Variants in FAM149B1 observed in about 807,000 individuals in gnomAD.
FAM149B1 encodes primary cilium assembly protein FAM149B1.
Under a neutral mutation model 75.3 loss-of-function variants are expected in FAM149B1, and 56 were observed. That is an observed-to-expected ratio of 0.74 (90% CI 0.60 to 0.93). The LOEUF is 0.93. Ranked by LOEUF, FAM149B1 falls within the 40% of genes least tolerant of loss-of-function variation. FAM149B1 has a pLI of 0.00. For missense variants in FAM149B1, 639 were observed against 708.4 expected, an observed-to-expected ratio of 0.90 and a Z score of 1.11; for synonymous variants, 259 against 256.1, an observed-to-expected ratio of 1.01 and a Z score of -0.11.
chr10:73,206,508 A>G lies in FAM149B1; in HGVS notation c.543-2111A>G, dbSNP rs2133361747. 1.3e-5 allele frequency among the ~76,000 whole-genome samples: 2 copies of G among 152,354 alleles called. 1 individual carries two copies. The highest frequency in any genetic ancestry group is 4.1e-4 in the South Asian group (2 of 4,830). On this transcript the variant is annotated intron_variant, in intron 5 of 13. Transcript: ENST00000242505. ...AACTAAAAAGCAGCCAAGTGCTAAT[A>G]GCCAAGACAATGGGAAAAAGGCATT...
At chr10:73,220,236 T>A (rs2090766876) in intron 7 of FAM149B1, among the ~76,000 whole-genome samples, 1 of 152,058 alleles carries the variant, frequency 6.6e-6, no homozygotes, top group African/African-American at 2.4e-5. Context: ...GTATATATAT[T>A]TTTAATTACA....
intron 3 of FAM149B1, chr10:73,192,352 T>A: frequency 1.9e-6 from 1 of 536,936 alleles, no homozygotes; most frequent in South Asian, 2.4e-5. Flanking sequence ...ATCTAAATTT[T>A]CTTTAAATAT....
At chr10:73,180,479 C>G (rs1327279171) in intron 3 of FAM149B1, among the ~76,000 whole-genome samples, 2 of 152,150 alleles carry the variant, frequency 1.3e-5, no homozygotes, top group Non-Finnish European at 2.9e-5. Context: ...ATTTAGTATA[C>G]TGACTAAATA....
chr10:73,199,282 A>G (rs1452170676), intron 5 of FAM149B1, among the ~76,000 whole-genome samples: 1 of 151,948 alleles, frequency 6.6e-6, no homozygotes, highest in Non-Finnish European at 1.5e-5. Flanking sequence ...CAGTGGCACA[A>G]TCTCCGCTCA....
chr10:73,228,197 G>GATCC lies in FAM149B1; in HGVS notation c.1023+13_1023+14insATCC. The GATCC allele has an allele frequency of 6.4e-7, 1 of 1,551,520 alleles. No individual in the cohort carries two copies. Among genetic ancestry groups the GATCC allele is most frequent in the Non-Finnish European group, 8.7e-7 (1 of 1,146,844 alleles). ...TACCTCAAATCCGGTAAGCCCCAGA[G>GATCC]GGATCAGTTGGAGACCCCAGGGCTA... On this transcript the variant is annotated intron_variant, in intron 8 of 13. Coordinates refer to ENST00000242505, the MANE Select transcript of FAM149B1 (RefSeq NM_173348.2).
chr10:73,240,127 C>G (rs1473519609), intron 13 of FAM149B1, among the ~76,000 whole-genome samples: 1 of 152,116 alleles, frequency 6.6e-6, no homozygotes, highest in Admixed American at 6.5e-5. Flanking sequence ...GCTATGTTGC[C>G]CAGGCTGCAG....
chr10:73,226,456 G>C (rs1377579600), intron 7 of FAM149B1, among the ~76,000 whole-genome samples: 1 of 152,144 alleles, frequency 6.6e-6, no homozygotes, highest in Non-Finnish European at 1.5e-5. Flanking sequence ...AGTGAGCGGA[G>C]CTTGCACCAC....
chr10:73,178,020 T>C (rs573038876), intron 3 of FAM149B1, 45 bp downstream of exon 3: 3 of 1,501,608 alleles, frequency 2.0e-6, no homozygotes, highest in Non-Finnish European at 2.7e-6. Flanking sequence ...GGGAGATGAT[T>C]CTGGGAATTA....
intron 7 of FAM149B1, 52 bp from the exon 8 acceptor site, chr10:73,228,008 G>T: frequency 6.6e-7 from 1 of 1,522,328 alleles, no homozygotes; most frequent in Non-Finnish European, 8.9e-7. Context: ...CAATACTGTT[G>T]CTGTGGGCCA....
chr10:73,235,078 G>T, intron 11 of FAM149B1, 115 bp from the exon 12 acceptor site: 1 of 1,446,970 alleles, frequency 6.9e-7, no homozygotes, highest in Non-Finnish European at 9.4e-7. Context: ...TTATGACGTG[G>T]AATTGGAGCT....
chr10:73,192,203 T>G, intron 3 of FAM149B1: 1 of 140,700 alleles, frequency 7.1e-6, no homozygotes, highest in East Asian at 2.0e-4. Flanking sequence ...CCTGGCCTTT[T>G]TTTTTTTTTT....
intron 1 of FAM149B1, among the ~76,000 whole-genome samples, chr10:73,173,603 A>AC (rs1843810142): frequency 6.6e-6 from 1 of 152,054 alleles, no homozygotes; most frequent in Admixed American, 6.6e-5. Context: ...AGGGGTATTG[A>AC]CCCCCTGTAC....
chr10:73,198,945 A>G (rs1395886184), intron 5 of FAM149B1, among the ~76,000 whole-genome samples: 3 of 152,194 alleles, frequency 2.0e-5, no homozygotes, highest in South Asian at 4.1e-4. Context: ...GTTCCTTCCA[A>G]TCATCCTGGA....
chr10:73,186,623 A>T (rs1477953343), intron 3 of FAM149B1, among the ~76,000 whole-genome samples: 1 of 152,256 alleles, frequency 6.6e-6, no homozygotes, highest in African/African-American at 2.4e-5. Flanking sequence ...GGACTAATAA[A>T]TTAGTTCAGT....
At chr10:73,193,405 CA>C (rs1292952456) in intron 4 of FAM149B1, 71 bp from the exon 5 acceptor site, 16 of 1,470,380 alleles carry the variant, frequency 1.1e-5, no homozygotes, top group South Asian at 2.6e-5. Context: ...CAAATGTGTC[CA>C]AAATATATCT....
At chr10:73,187,908 C>T (rs994784533) in intron 3 of FAM149B1, among the ~76,000 whole-genome samples, 6 of 152,012 alleles carry the variant, frequency 3.9e-5, no homozygotes, top group Non-Finnish European at 8.8e-5. Context: ...CATGGTGAAA[C>T]CCTGTCTCTA....
Position 73,210,322 on chromosome 10 carries a change from C to T in FAM149B1, c.782C>T (p.Ala261Val). 6.4e-7 allele frequency: 1 copy of T among 1,550,516 alleles called. No homozygotes were observed. The highest frequency in any genetic ancestry group is 8.7e-7 in the Non-Finnish European group (1 of 1,145,788). ...CAGAAATTAGGGTATCCTCCCATTG[C>T]TCCATTTTACTGCATGAAAGAAGAT... The part of the protein sequence containing the change: ...EKQKLGYPPI[A>V]PFYCMKEDVL... The change falls in exon 7 of 14, where the codon GCT becomes GTT. Residue 261 changes from alanine to valine, a missense_variant. Ala to Val is a moderately conservative substitution (Grantham distance 64). Transcript: ENST00000242505.
intron 5 of FAM149B1, among the ~76,000 whole-genome samples, chr10:73,204,732 C>T (rs946417810): frequency 6.1e-5 from 9 of 148,460 alleles, no homozygotes; most frequent in East Asian, 2.0e-4. Flanking sequence ...GATATAACCT[C>T]GTGAGATATC....
rs78454839 is a variant in FAM149B1 at position 73,195,346 on chromosome 10, C to T, written c.542+1753C>T. ...TTTGCTATTCCTGAAGTGATTTAAA[C>T]TCAAGCTGCTGGTCATTAGGCATTC... is the stretch of plus-strand genomic sequence containing the variant. On this transcript the variant is annotated intron_variant, in intron 5 of 13. Coordinates refer to ENST00000242505, the MANE Select transcript of FAM149B1 (RefSeq NM_173348.2). Among the ~76,000 whole-genome samples, 336 of 152,288 alleles carry T rather than the reference C, an allele frequency of 2.2e-3. 7 individuals carry two copies. The highest frequency in any genetic ancestry group is 7.3e-3 in the African/African-American group (302 of 41,568).
Sources: gnomAD v4.1 joint callset for allele counts (sites outside exome capture counted in the v4.1 genomes callset) on GRCh38, gnomAD v4.1.1 for gene constraint, MANE v1.5 for transcripts, NCBI Gene and HGNC (gene_info 2026-07-23, HGNC 2026-07-21) for gene names.